Variants in ASIC2 observed in about 807,000 individuals in gnomAD.
ASIC2 encodes the protein acid sensing ion channel subunit 2.
ASIC2 carries 25 observed loss-of-function variants against 57.3 expected under a neutral mutation model. The observed-to-expected ratio is 0.44, with a 90% confidence interval of 0.32 to 0.61. The LOEUF (loss-of-function observed/expected upper bound fraction) is 0.61. Ranked by LOEUF, ASIC2 falls within the 20% of genes least tolerant of loss-of-function variation. The pLI is 0.06. For synonymous variants in ASIC2, 319 were observed against 307.5 expected, an observed-to-expected ratio of 1.04 and a Z score of -0.39; for missense variants, 641 against 738.1, an observed-to-expected ratio of 0.87 and a Z score of 1.52.
At chr17:33,529,491 T>C (rs1914985145) in intron 1 of ASIC2, among the ~76,000 whole-genome samples, 1 of 152,184 alleles carries the variant, frequency 6.6e-6, no homozygotes, top group Non-Finnish European at 1.5e-5. Flanking sequence ...ACTACTCAAG[T>C]AGAATCTGCA....
At chr17:33,542,051 C>T (rs1309319866) in intron 1 of ASIC2, among the ~76,000 whole-genome samples, 1 of 152,208 alleles carries the variant, frequency 6.6e-6, no homozygotes, top group African/African-American at 2.4e-5. Context: ...ATGCTGAATA[C>T]ACTCTCTGTT....
At chr17:33,762,695 G>C (rs1241881077) in intron 1 of ASIC2, among the ~76,000 whole-genome samples, 1 of 152,230 alleles carries the variant, frequency 6.6e-6, no homozygotes, top group East Asian at 1.9e-4. Context: ...TCCAGGCCAA[G>C]TGTATTTTTT....
intron 1 of ASIC2, among the ~76,000 whole-genome samples, chr17:33,342,553 C>A (rs1481970027): frequency 6.6e-6 from 1 of 152,124 alleles, no homozygotes; most frequent in Non-Finnish European, 1.5e-5. Context: ...CTCCCAATAG[C>A]CTGACCATTC....
chr17:34,058,476 T>C (rs550570922), intron 1 of ASIC2, among the ~76,000 whole-genome samples: 62 of 152,352 alleles, frequency 4.1e-4, no homozygotes, highest in Non-Finnish European at 8.1e-4. Context: ...GTGAACTGGA[T>C]ACCAGGGCTT....
In ASIC2 at chr17:33,848,571, T is replaced by C. The variant is rs555940210; in HGVS notation, c.555+307407A>G. Among the ~76,000 whole-genome samples the C allele has an allele frequency of 5.3e-5, 8 of 152,326 alleles. 1 individual carries two copies. The South Asian group carries it at 1.7e-3, about 32-fold the overall frequency. ...TCATACTAATCTTTTTATCTAGTTATTTATACAACATTCTGCAGAGTTGAC... is the reference window on the plus strand; with the variant it reads ...TCATACTAATCTTTTTATCTAGTTACTTATACAACATTCTGCAGAGTTGAC... On this transcript the variant is annotated intron_variant, in intron 1 of 9. Transcript: ENST00000359872.
At chr17:33,541,056 T>G (rs1597775098) in intron 1 of ASIC2, among the ~76,000 whole-genome samples, 1 of 150,252 alleles carries the variant, frequency 6.7e-6, no homozygotes, top group East Asian at 1.9e-4. Context: ...TGACTGGGCA[T>G]GTTGTTTTTT....
chr17:34,038,204 T>A, intron 1 of ASIC2: 1 of 1,612,378 alleles, frequency 6.2e-7, no homozygotes. Context: ...ATTTAAGTAC[T>A]TTAAAGCATT....
At chr17:33,641,886 G>A (rs1906576766) in intron 1 of ASIC2, among the ~76,000 whole-genome samples, 2 of 152,094 alleles carry the variant, frequency 1.3e-5, no homozygotes, top group African/African-American at 4.8e-5. Context: ...CATATTAACA[G>A]GCTCTATCAC....
At chr17:33,974,608 C>T (rs1490751343) in intron 1 of ASIC2, among the ~76,000 whole-genome samples, 1 of 143,760 alleles carries the variant, frequency 7.0e-6, no homozygotes, top group Admixed American at 6.8e-5. Context: ...ACCTATCTAT[C>T]CATCCATCCA....
intron 1 of ASIC2, among the ~76,000 whole-genome samples, chr17:33,301,332 C>T (rs754072922): frequency 8.6e-5 from 13 of 151,970 alleles, no homozygotes; most frequent in Non-Finnish European, 1.5e-4. Context: ...TGAGCCACCA[C>T]GCCTGGCCAG....
At chr17:34,013,838 G>C (rs1385500285) in intron 1 of ASIC2, among the ~76,000 whole-genome samples, 1 of 152,200 alleles carries the variant, frequency 6.6e-6, no homozygotes, top group East Asian at 1.9e-4. Context: ...GGGGGCACCT[G>C]AATAATAGAT....
intron 1 of ASIC2, among the ~76,000 whole-genome samples, chr17:33,452,708 T>C (rs1912296736): frequency 6.6e-6 from 1 of 151,556 alleles, no homozygotes; most frequent in Admixed American, 6.6e-5. Flanking sequence ...TCTCTAAAGA[T>C]TGATGTTTTC....
At chr17:33,207,626 C>T (rs1907114924) in intron 1 of ASIC2, among the ~76,000 whole-genome samples, 1 of 152,162 alleles carries the variant, frequency 6.6e-6, no homozygotes, top group African/African-American at 2.4e-5. Context: ...AGTGTCCTGC[C>T]CATACCGCCT....
intron 1 of ASIC2, among the ~76,000 whole-genome samples, chr17:33,174,813 A>G (rs1193340920): frequency 2.0e-5 from 3 of 152,202 alleles, no homozygotes; most frequent in Non-Finnish European, 4.4e-5. Context: ...TACATAGGAC[A>G]TGTAACGTGA....
At chr17:33,136,061 T>C (rs1018895392) in intron 1 of ASIC2, among the ~76,000 whole-genome samples, 1 of 152,238 alleles carries the variant, frequency 6.6e-6, no homozygotes, top group African/African-American at 2.4e-5. Flanking sequence ...GTAATGTTCA[T>C]GTCCTGACCT....
At chr17:33,878,358 GA>G (rs1914607660) in intron 1 of ASIC2, among the ~76,000 whole-genome samples, 2 of 152,012 alleles carry the variant, frequency 1.3e-5, no homozygotes, top group African/African-American at 2.4e-5. Flanking sequence ...TAAAAACCTT[GA>G]AAAAAATTAG....
intron 1 of ASIC2, among the ~76,000 whole-genome samples, chr17:33,321,642 T>C (rs1484329799): frequency 2.0e-5 from 3 of 152,206 alleles, no homozygotes; most frequent in Non-Finnish European, 4.4e-5. Context: ...ATTTTGCTTC[T>C]TGCTGGAGGT....
intron 1 of ASIC2, among the ~76,000 whole-genome samples, chr17:33,370,964 T>G (rs1206694541): frequency 1.3e-5 from 2 of 150,250 alleles, no homozygotes; most frequent in African/African-American, 4.9e-5. Context: ...CAGCGTAGGG[T>G]GTTCAGGAAA....
chr17:33,958,513 A>G (rs1904814973), intron 1 of ASIC2, among the ~76,000 whole-genome samples: 1 of 152,184 alleles, frequency 6.6e-6, no homozygotes. Context: ...GGAAGCTGTC[A>G]AGGCTTGGGG....
Sources: allele counts gnomAD v4.1 joint callset (sites outside exome capture counted in the v4.1 genomes callset), GRCh38; gene constraint gnomAD v4.1.1; transcripts MANE v1.5; gene names NCBI Gene and HGNC (gene_info 2026-07-23, HGNC 2026-07-21).